The following PLG variants were observed in gnomAD, a reference collection of about 807,000 sequenced individuals.
The protein encoded by PLG is plasminogen, also known as plasmin.
PLG carries 41 observed loss-of-function variants against 104.4 expected under a neutral mutation model. That is an observed-to-expected ratio of 0.39 (90% CI 0.31 to 0.51). The LOEUF is 0.51. Ranked by LOEUF, PLG falls within the 20% of genes least tolerant of loss-of-function variation. The pLI is 0.76. For missense variants in PLG, 891 were observed against 1,003.6 expected (o/e 0.89, Z 1.52); for synonymous variants, 337 against 357.1 (o/e 0.94, Z 0.63).
Position 160,741,471 on chromosome 6 carries a change from G to A in PLG, c.2125+54G>A, listed in dbSNP as rs1242711263. 8.0e-6 allele frequency: 8 copies of A among 994,106 alleles called. No individual in the cohort carries two copies. The African/African-American group carries it at 1.3e-4, about 16-fold the overall frequency. 61.6% of individuals were successfully genotyped at this position (994,106 alleles called of 1,614,324 possible). A position where few individuals can be genotyped will look rare whatever the true frequency, so the allele number is the denominator to read the frequency against. The stretch of plus-strand genomic sequence containing the variant: ...GAATTGGTTTTGACCTACAGTCCAT[G>A]TGACAAAATGATCATTTTGGAGAAA... On this transcript the variant is annotated intron_variant, in intron 17 of 18. Coordinates refer to ENST00000308192, the MANE Select transcript of PLG (RefSeq NM_000301.5). This position sits in a 1 kb window ranked among gnomAD's most constrained non-coding sequence, Gnocchi z 4.7.
At position 160,734,210 on chromosome 6, in the gene PLG, C is replaced by T; in HGVS notation, c.1681+122C>T. 1.5e-6 allele frequency: 1 copy of T among 645,722 alleles called. No homozygotes were observed. The highest frequency in any genetic ancestry group is 1.6e-5 in the South Asian group (1 of 64,222). The allele number at this position is 645,722 out of a possible 1,614,324, so 40.0% of individuals were successfully genotyped here. A position where few individuals can be genotyped will look rare whatever the true frequency, so the allele number is the denominator to read the frequency against. On this transcript the variant is annotated intron_variant, in intron 13 of 18. Coordinates refer to ENST00000308192, the MANE Select transcript of PLG (RefSeq NM_000301.5). The surrounding 1 kb of genome is among the most constrained non-coding windows in gnomAD (Gnocchi z 4.4). ...AGATAGCTGCCCTCTCCATCAGACC[C>T]CACTCTTCATCATGGGCATCTTGAA...
chr6:160,745,124 T>C (rs1477839216), intron 17 of PLG, among the ~76,000 whole-genome samples: 1 of 152,184 alleles, frequency 6.6e-6, no homozygotes, highest in Non-Finnish European at 1.5e-5. Context: ...AAATGTACAT[T>C]CAGTTGTTTT....
chr6:160,711,049 T>A, intron 3 of PLG, 28 bp from the exon 4 acceptor site: 1 of 1,611,696 alleles, frequency 6.2e-7, no homozygotes, highest in Non-Finnish European at 8.5e-7. Context: ...TGTGAAAGAC[T>A]TTGACCACTG....
intron 9 of PLG, among the ~76,000 whole-genome samples, chr6:160,721,972 C>T (rs895595829): frequency 1.3e-5 from 2 of 152,214 alleles, no homozygotes; most frequent in Non-Finnish European, 1.5e-5. Context: ...CCTGCCCTAT[C>T]ACCCAGAAGC....
At chr6:160,708,970 T>TAA (rs1158448306) in intron 3 of PLG, among the ~76,000 whole-genome samples, 32 of 147,980 alleles carry the variant, frequency 2.2e-4, no homozygotes, top group African/African-American at 6.4e-4. Flanking sequence ...TACCAGATTT[T>TAA]AAAAAAAAAA....
intron 17 of PLG, among the ~76,000 whole-genome samples, chr6:160,749,081 A>G (rs1222552034): frequency 6.6e-6 from 1 of 152,232 alleles, no homozygotes; most frequent in Non-Finnish European, 1.5e-5. Context: ...CAGATCCTCT[A>G]CAATTCCTCA....
intron 2 of PLG, among the ~76,000 whole-genome samples, chr6:160,706,903 C>T (rs907770694): frequency 5.9e-5 from 9 of 151,402 alleles, no homozygotes; most frequent in African/African-American, 1.9e-4. Flanking sequence ...AGATCCAGTG[C>T]CTGCCCTTTA....
chr6:160,743,258 C>A (rs144177163), intron 17 of PLG, among the ~76,000 whole-genome samples: 2,774 of 152,168 alleles, frequency 0.018, 48 homozygotes, highest in Non-Finnish European at 0.028. Flanking sequence ...GGCAGTATGG[C>A]CATTTTAATG....
At chr6:160,730,458 A>T (rs909297004) in intron 10 of PLG, among the ~76,000 whole-genome samples, 7 of 152,204 alleles carry the variant, frequency 4.6e-5, no homozygotes, top group Admixed American at 4.6e-4. Context: ...GACACACCTG[A>T]TACGGTATTG....
At chr6:160,715,997 C>T (rs1191470198) in intron 6 of PLG, among the ~76,000 whole-genome samples, 2 of 152,238 alleles carry the variant, frequency 1.3e-5, no homozygotes, top group Non-Finnish European at 2.9e-5. Context: ...GATCCAGCCC[C>T]ATACTGCATG....
In PLG at chr6:160,738,893, A is replaced by G. The variant is rs1778136450; in HGVS notation, c.1878-175A>G. Among the ~76,000 whole-genome samples, 1 of 152,164 alleles carries G rather than the reference A, an allele frequency of 6.6e-6. No individual in the cohort carries two copies. Among genetic ancestry groups the G allele is most frequent in the South Asian group, 2.1e-4 (1 of 4,820 alleles). ...TATCAGTCTCTGCCCAAACAGCCCA[A>G]GAACATTCCTTAACTGCCTGTTTCA... is the stretch of plus-strand genomic sequence containing the variant. On this transcript the variant is annotated intron_variant, in intron 15 of 18. Transcript: ENST00000308192. The surrounding 1 kb of genome is among the most constrained non-coding windows in gnomAD (Gnocchi z 6.8).
Position 160,702,372 on chromosome 6 carries a change from A to T in PLG, c.49+19A>T, listed in dbSNP as rs748738442. 13 of 1,543,936 alleles carry T rather than the reference A, an allele frequency of 8.4e-6. No homozygotes were observed. In the East Asian group the frequency reaches 2.0e-4, roughly 24 times the overall value. ...AAATCAGGTAAGACATAGTTTTTTTAAATTATAAGAATTATTTTTTCTCCC... is the reference window on the plus strand; with the variant it reads ...AAATCAGGTAAGACATAGTTTTTTTTAATTATAAGAATTATTTTTTCTCCC... On this transcript the variant is annotated intron_variant, in intron 1 of 18. Transcript: ENST00000308192.
In PLG at chr6:160,738,692, T is replaced by G; in HGVS notation, c.1877+80T>G. ...TTCTTTTCCTCCTTTCCTCCTTTCC[T>G]TTCTCACTCTTCCTCCCTTCCTTCT... On this transcript the variant is annotated intron_variant, in intron 15 of 18. Coordinates refer to ENST00000308192, the MANE Select transcript of PLG (RefSeq NM_000301.5). The surrounding 1 kb of genome is among the most constrained non-coding windows in gnomAD (Gnocchi z 6.8). 2.1e-6 allele frequency: 2 copies of G among 962,314 alleles called. No individual in the cohort carries two copies. Among genetic ancestry groups the G allele is most frequent in the South Asian group, 2.6e-5 (2 of 77,188 alleles). The allele number at this position is 962,314 out of a possible 1,614,324, so 59.6% of individuals were successfully genotyped here.
At chr6:160,702,894 A>G (rs567581925) in intron 1 of PLG, among the ~76,000 whole-genome samples, 62 of 152,286 alleles carry the variant, frequency 4.1e-4, no homozygotes, top group Admixed American at 6.5e-4. Flanking sequence ...AATCACACGC[A>G]TCCATTTGCC....
intron 9 of PLG, among the ~76,000 whole-genome samples, chr6:160,722,057 C>T (rs751466829): frequency 6.6e-6 from 1 of 152,112 alleles, no homozygotes; most frequent in Non-Finnish European, 1.5e-5. Flanking sequence ...CCACTGACAG[C>T]CACTCACCAC....
chr6:160,748,447 G>GAAA lies in PLG; in HGVS notation c.2126-3668_2126-3667insAAA, dbSNP rs1491160827. Among the ~76,000 whole-genome samples the GAAA allele has an allele frequency of 1.3e-3, 48 of 36,030 alleles. 1 individual carries two copies. Among genetic ancestry groups the GAAA allele is most frequent in the African/African-American group, 3.2e-3 (25 of 7,696 alleles). The allele number at this position is 36,030 out of a possible 152,430, so 23.6% of individuals were successfully genotyped here. Reference sequence around the variant, plus strand: ...GAAAGAGAACGAAAGAAAGAAGGGAGGGAGGGAGGGAGGGAGGGAGGGAGG... The same window carrying GAAA: ...GAAAGAGAACGAAAGAAAGAAGGGAGAAAGGAGGGAGGGAGGGAGGGAGGGAGG... On this transcript the variant is annotated intron_variant, in intron 17 of 18. Coordinates refer to ENST00000308192, the MANE Select transcript of PLG (RefSeq NM_000301.5).
Position 160,722,446 on chromosome 6 carries a change from C to T in PLG, c.1135C>T (p.His379Tyr). The T allele has an allele frequency of 6.2e-7, 1 of 1,612,558 alleles. No individual in the cohort carries two copies. Among genetic ancestry groups the T allele is most frequent in the East Asian group, 2.2e-5 (1 of 44,858 alleles). ...AACCCCTGTGGTCCAGGACTGCTAC[C>T]ATGGTGATGGACAGAGCTACCGAGG... ...ELTPVVQDCY[H>Y]GDGQSYRGTS... The change falls in exon 10 of 19, where the codon CAT (histidine) becomes TAT (tyrosine). Residue 379 changes from histidine to tyrosine, a missense_variant. By Grantham distance (83) the His-to-Tyr change is moderately conservative. This residue lies in a region of PLG where 854 missense variants were observed against 932.1 expected (regional missense o/e 0.92). Transcript: ENST00000308192.
intron 12 of PLG, 137 bp from the exon 13 acceptor site, chr6:160,733,846 GAAAAAAAAAAAA>G: frequency 2.9e-6 from 1 of 347,062 alleles, no homozygotes; most frequent in South Asian, 2.2e-5. Context: ...CTCCACCTCA[GAAAAAAAAAAAA>G]AAAAAAAAAA....
At chr6:160,707,522 T>G (rs543426117) in intron 2 of PLG, among the ~76,000 whole-genome samples, 178 bp from the exon 3 acceptor site, 2 of 152,156 alleles carry the variant, frequency 1.3e-5, no homozygotes, top group African/African-American at 2.4e-5. Context: ...GCCACGTTGG[T>G]GTATTTTGTT....
Sources: allele counts gnomAD v4.1 joint callset (sites outside exome capture counted in the v4.1 genomes callset), GRCh38; gene constraint gnomAD v4.1.1; regional missense constraint gnomAD v4.1.1; non-coding constraint Gnocchi (gnomAD v3.1); transcripts MANE v1.5; gene names NCBI Gene and HGNC (gene_info 2026-07-23, HGNC 2026-07-21).